Variants in RFX3 observed in about 807,000 individuals in gnomAD.
RFX3 encodes transcription factor RFX3.
Under a neutral mutation model 98.6 loss-of-function variants are expected in RFX3, and 14 were observed. That is an observed-to-expected ratio of 0.14 (90% CI 0.09 to 0.22). The LOEUF (loss-of-function observed/expected upper bound fraction) is 0.22, where lower values mean the gene tolerates loss of function less well. Among genes scored for constraint, RFX3 ranks in the 10% least tolerant of loss-of-function variants. RFX3 has a pLI of 1.00. For synonymous variants in RFX3, 383 were observed against 328.4 expected (o/e 1.17, Z -1.80); for missense variants, 639 against 926.9 (o/e 0.69, Z 4.03).
chr9:3,481,345 T>C (rs1031477416), intron 1 of RFX3, among the ~76,000 whole-genome samples: 6 of 152,238 alleles, frequency 3.9e-5, no homozygotes, highest in East Asian at 1.9e-4. Context: ...TGTTCAAATA[T>C]ATCAAAGGAT....
intron 1 of RFX3, among the ~76,000 whole-genome samples, chr9:3,466,485 T>C (rs764132643): frequency 6.6e-6 from 1 of 152,096 alleles, no homozygotes; most frequent in Admixed American, 6.5e-5. Context: ...ATGAAGAACA[T>C]GGAAAAAATG....
chr9:3,260,524 A>C (rs966852525), intron 13 of RFX3, among the ~76,000 whole-genome samples: 1 of 151,892 alleles, frequency 6.6e-6, no homozygotes, highest in Non-Finnish European at 1.5e-5. Flanking sequence ...ATTATAAATA[A>C]TTCTTTAAAA....
intron 1 of RFX3, among the ~76,000 whole-genome samples, chr9:3,454,737 T>C (rs893186379): frequency 6.6e-6 from 1 of 152,220 alleles, no homozygotes; most frequent in Non-Finnish European, 1.5e-5. Context: ...ATTGACTATT[T>C]TTTTCCCCAC....
intron 4 of RFX3, among the ~76,000 whole-genome samples, chr9:3,302,807 C>A (rs2130126975): frequency 1.3e-5 from 2 of 151,844 alleles, no homozygotes; most frequent in South Asian, 4.1e-4. Flanking sequence ...ACTTTATACA[C>A]AAAATACTCA....
intron 1 of RFX3, among the ~76,000 whole-genome samples, chr9:3,470,105 A>G (rs1848642757): frequency 6.6e-6 from 1 of 152,174 alleles, no homozygotes; most frequent in South Asian, 2.1e-4. Flanking sequence ...AAAAATGAAG[A>G]GCCAGTCAGG....
chr9:3,226,570 C>G (rs1817798735), intron 16 of RFX3, among the ~76,000 whole-genome samples: 2 of 152,166 alleles, frequency 1.3e-5, no homozygotes. Context: ...AAGAAGTGCT[C>G]TTAGATGAGG....
chr9:3,468,815 GAAAAAAAA>G (rs34057815), intron 1 of RFX3, among the ~76,000 whole-genome samples: 22 of 84,282 alleles, frequency 2.6e-4, no homozygotes, highest in African/African-American at 6.3e-4. Flanking sequence ...TTTTCCTTTT[GAAAAAAAA>G]AAAAAAAAGA....
chr9:3,305,330 GA>G (rs1441426153), intron 4 of RFX3, among the ~76,000 whole-genome samples: 1 of 151,952 alleles, frequency 6.6e-6, no homozygotes, highest in Non-Finnish European at 1.5e-5. Flanking sequence ...AGGGATGTAT[GA>G]AAAATGCTAA....
intron 1 of RFX3, among the ~76,000 whole-genome samples, chr9:3,525,534 C>T (rs1252841089): frequency 1.3e-5 from 2 of 151,862 alleles, no homozygotes; most frequent in African/African-American, 2.4e-5. Context: ...GCCCACACCC[C>T]CGACCCAGCC....
At chr9:3,311,347 T>C (rs766348448) in intron 4 of RFX3, among the ~76,000 whole-genome samples, 2 of 152,190 alleles carry the variant, frequency 1.3e-5, no homozygotes, top group African/African-American at 2.4e-5. Flanking sequence ...TGGAGACTTA[T>C]GTTTAGAAAA....
intron 15 of RFX3, among the ~76,000 whole-genome samples, chr9:3,238,324 T>C (rs598877): frequency 0.95 from 144,098 of 152,204 alleles, 68,668 homozygotes; most frequent in East Asian, 1. Context: ...GGACTGGAGC[T>C]GGAAGTCGGT....
intron 1 of RFX3, among the ~76,000 whole-genome samples, chr9:3,479,810 TACTTG>T (rs1849589729): frequency 6.6e-6 from 1 of 152,210 alleles, no homozygotes; most frequent in African/African-American, 2.4e-5. Context: ...AAGAATCAGA[TACTTG>T]ACTTAGGAGG....
intron 15 of RFX3, among the ~76,000 whole-genome samples, chr9:3,237,501 G>A (rs1350311756): frequency 2.0e-5 from 3 of 152,110 alleles, no homozygotes; most frequent in African/African-American, 7.2e-5. Context: ...GATAGTCAAT[G>A]CAGAATTGGT....
rs570871023 is a variant in RFX3, at chr9:3,372,797, G to C, written c.117+22675C>G. 8.5e-5 allele frequency among the ~76,000 whole-genome samples: 13 copies of C among 152,054 alleles called. No individual in the cohort carries two copies. The East Asian group carries it at 2.3e-3, about 27-fold the overall frequency. ...GATAGGGTTTTACCATGTTGGCCAG[G>C]CTGGTCTTGAACTCCTGACCTCAAG... On this transcript the variant is annotated intron_variant, in intron 2 of 16. Transcript: ENST00000617270.
At chr9:3,518,994 T>C (rs1352626006) in intron 1 of RFX3, among the ~76,000 whole-genome samples, 1 of 152,312 alleles carries the variant, frequency 6.6e-6, no homozygotes. Flanking sequence ...AGACTATTTA[T>C]TATTATTAAA....
chr9:3,524,918 A>C (rs1819092956), intron 1 of RFX3, among the ~76,000 whole-genome samples: 1 of 150,700 alleles, frequency 6.6e-6, no homozygotes, highest in Non-Finnish European at 1.5e-5. Context: ...AAAGAAAAAC[A>C]TCTTTCCCAG....
At chr9:3,299,168 T>A (rs1828346776) in intron 5 of RFX3, among the ~76,000 whole-genome samples, 1 of 151,674 alleles carries the variant, frequency 6.6e-6, no homozygotes, top group Non-Finnish European at 1.5e-5. Flanking sequence ...TTTAAAAAAC[T>A]CCATCTCTCC....
At position 3,272,566 on chromosome 9, in the gene RFX3, G is replaced by A. The variant is rs147954427; in HGVS notation, c.1087-1448C>T. ...AAAATGCAAGCTCTGAAAATAAAGG[G>A]CATGTAGATGTCCCTCATCCCAGCA... On this transcript the variant is annotated intron_variant, in intron 9 of 16. Coordinates refer to ENST00000617270, the MANE Select transcript of RFX3 (RefSeq NM_001282116.2). 5.1e-3 allele frequency among the ~76,000 whole-genome samples: 776 copies of A among 152,214 alleles called. 4 individuals are homozygous for A. The highest frequency in any genetic ancestry group is 0.01 in the Middle Eastern group (3 of 294).
intron 6 of RFX3, among the ~76,000 whole-genome samples, chr9:3,292,190 T>G (rs1418557547): frequency 1.3e-5 from 2 of 151,796 alleles, no homozygotes; most frequent in African/African-American, 4.8e-5. Context: ...CTATTTTAAC[T>G]TTTTATGTGA....
Sources: gnomAD v4.1 joint callset for allele counts (sites outside exome capture counted in the v4.1 genomes callset) on GRCh38, gnomAD v4.1.1 for gene constraint, MANE v1.5 for transcripts, NCBI Gene and HGNC (gene_info 2026-07-23, HGNC 2026-07-21) for gene names.